NEXMIF: variants seen among roughly 807,000 people sequenced by gnomAD.
The protein encoded by NEXMIF is neurite extension and migration factor.
A neutral mutation model predicts 62.1 loss-of-function variants in NEXMIF; 8 were observed. The observed-to-expected ratio is 0.13, with a 90% CI of 0.08 to 0.23. The LOEUF is 0.23. Among genes scored for constraint, NEXMIF ranks in the 10% least tolerant of loss-of-function variants. The pLI, the probability that NEXMIF is intolerant of heterozygous loss-of-function variation, is 1.00. For missense variants in NEXMIF, 976 were observed against 1,113.3 expected, an observed-to-expected ratio of 0.88 and a Z score of 1.75; for synonymous variants, 404 against 416.6, an observed-to-expected ratio of 0.97 and a Z score of 0.37.
chrX:74,821,467 A>C (rs904000153), intron 1 of NEXMIF, among the ~76,000 whole-genome samples: 23 of 111,586 alleles, frequency 2.1e-4, no homozygotes, highest in African/African-American at 7.2e-4. Flanking sequence ...AAAGGGGAAA[A>C]AGTCCTTTGT....
chrX:74,741,895 C>T lies in NEXMIF; in HGVS notation c.2662G>A (p.Val888Met), dbSNP rs1569335341. Residue 888 changes from valine (V) to methionine (M), a missense_variant, in exon 3 of 4, where the codon GTG becomes ATG. Val to Met is a conservative substitution (Grantham distance 21). Coordinates refer to ENST00000055682, the MANE Select transcript of NEXMIF (RefSeq NM_001008537.3). ...CCAGAAGTAGCCTTGTTGGGCCACA[C>T]ATTTCTATAGTTGCTTGATTCCATT... ...FKMESSNYRN[V>M]WPNKATSGTQ... The T allele has an allele frequency of 8.3e-7, 1 of 1,211,842 alleles. No individual in the cohort carries two copies.
At chrX:74,847,064 C>T (rs1003620521) in intron 1 of NEXMIF, among the ~76,000 whole-genome samples, 1 of 112,357 alleles carries the variant, frequency 8.9e-6, no homozygotes, top group African/African-American at 3.2e-5. Context: ...TGCTATCTGC[C>T]TCATAAAGCA....
chrX:74,907,658 G>A (rs1301762010), intron 1 of NEXMIF, among the ~76,000 whole-genome samples: 2 of 111,311 alleles, frequency 1.8e-5, no homozygotes, highest in South Asian at 3.8e-4. Context: ...CTAAGTCCAT[G>A]AAGATGTTTG....
chrX:74,850,226 G>A (rs1296639943), intron 1 of NEXMIF, among the ~76,000 whole-genome samples: 2 of 112,215 alleles, frequency 1.8e-5, no homozygotes, highest in East Asian at 5.6e-4. Flanking sequence ...CTGCATGTGT[G>A]ACTTGCAGAC....
intron 1 of NEXMIF, among the ~76,000 whole-genome samples, chrX:74,890,565 A>G (rs12849318): frequency 8.9e-6 from 1 of 111,993 alleles, no homozygotes. Flanking sequence ...TGTACATATC[A>G]TCAAACATAT....
chrX:74,878,712 T>C (rs927685431), intron 1 of NEXMIF, among the ~76,000 whole-genome samples: 4 of 112,638 alleles, frequency 3.6e-5, no homozygotes, highest in African/African-American at 1.3e-4. Flanking sequence ...TTTAAGCCTG[T>C]TGGAAAAGCG....
chrX:74,879,159 A>G (rs2080652435), intron 1 of NEXMIF, among the ~76,000 whole-genome samples: 1 of 112,541 alleles, frequency 8.9e-6, no homozygotes, highest in Non-Finnish European at 1.9e-5. Context: ...AGTGTGTAGT[A>G]GGCTAAATCA....
At chrX:74,786,465 A>G (rs909236620) in intron 1 of NEXMIF, among the ~76,000 whole-genome samples, 1 of 111,683 alleles carries the variant, frequency 9.0e-6, no homozygotes, top group African/African-American at 3.3e-5. Flanking sequence ...GAAAGGAAGA[A>G]GAGGCAGATC....
intron 1 of NEXMIF, among the ~76,000 whole-genome samples, chrX:74,861,190 T>C (rs1471969623): frequency 9.0e-6 from 1 of 111,548 alleles, no homozygotes; most frequent in Non-Finnish European, 1.9e-5. Flanking sequence ...AAGAACTTCA[T>C]AATGCAACCA....
chrX:74,741,765 G>A lies in NEXMIF; in HGVS notation c.2792C>T (p.Thr931Ile). 1 of 1,211,609 alleles carries A rather than the reference G, an allele frequency of 8.3e-7. No individual in the cohort carries two copies. Among genetic ancestry groups the A allele is most frequent in the Non-Finnish European group, 1.1e-6 (1 of 895,187 alleles). ...ATTGAGACAGATTGGATTGTATGTT[G>A]TAGGTGTGAGGTTATTTTCCATGGA... ...VVSMENNLTP[T>I]TYNPICLNSG... is the part of the protein sequence containing the mutation. Residue 931 changes from threonine to isoleucine, a missense_variant, in exon 3 of 4, where the codon ACA becomes ATA. Physicochemically the swap from Thr to Ile is moderately conservative, Grantham distance 89. Transcript: ENST00000055682.
chrX:74,743,175 C>T lies in NEXMIF; in HGVS notation c.1382G>A (p.Arg461His), dbSNP rs1366715373. ...DAMGEIKDCS[R>H]YMARDTNSGS... ...AGAATTAGTGTCCCGAGCCATATAG[C>T]GACTACAGTCCTTGATCTCACCCAT... Residue 461 changes from arginine (R) to histidine (H), a missense_variant, in exon 3 of 4, where the codon CGC becomes CAC. Arg to His is a conservative substitution (Grantham distance 29, BLOSUM62 0). Transcript: ENST00000055682. 2.5e-6 allele frequency: 3 copies of T among 1,210,524 alleles called. No individual in the cohort carries two copies. Among genetic ancestry groups the T allele is most frequent in the South Asian group, 1.8e-5 (1 of 56,831 alleles).
intron 1 of NEXMIF, among the ~76,000 whole-genome samples, chrX:74,793,612 C>G (rs1602229838): frequency 9.1e-6 from 1 of 110,166 alleles, no homozygotes; most frequent in Non-Finnish European, 1.9e-5. Flanking sequence ...TTCAGGTACA[C>G]CAATCAGACG....
intron 1 of NEXMIF, among the ~76,000 whole-genome samples, chrX:74,849,317 G>C (rs1444011415): frequency 8.9e-6 from 1 of 112,672 alleles, no homozygotes; most frequent in Non-Finnish European, 1.9e-5. Flanking sequence ...GCCAGATTGG[G>C]TGGGAGCCCA....
chrX:74,838,905 C>T (rs2080465503), intron 1 of NEXMIF, among the ~76,000 whole-genome samples: 1 of 111,950 alleles, frequency 8.9e-6, no homozygotes, highest in African/African-American at 3.2e-5. Flanking sequence ...TTTAATTCCT[C>T]TTTATAGTTT....
intron 1 of NEXMIF, among the ~76,000 whole-genome samples, chrX:74,834,930 T>C (rs2080451374): frequency 8.9e-6 from 1 of 111,910 alleles, no homozygotes; most frequent in East Asian, 2.8e-4. Flanking sequence ...CTAAATGCAA[T>C]AGCTCTTAGA....
chrX:74,888,120 C>T (rs1370356278), intron 1 of NEXMIF, among the ~76,000 whole-genome samples: 3 of 108,912 alleles, frequency 2.8e-5, no homozygotes, highest in African/African-American at 6.7e-5. Context: ...AGGGGAACAT[C>T]ACACACCTGG....
chrX:74,763,447 C>T lies in NEXMIF; in HGVS notation c.-47-17750G>A, dbSNP rs181843931. On this transcript the variant is annotated intron_variant, in intron 1 of 3. Coordinates refer to ENST00000055682, the MANE Select transcript of NEXMIF (RefSeq NM_001008537.3). Reference sequence around the variant, plus strand: ...TTGGCTTAGGATTGTCTTGGCACTGCGGGCCCTTTTTTGGCTCCATATGAA... The same window carrying T: ...TTGGCTTAGGATTGTCTTGGCACTGTGGGCCCTTTTTTGGCTCCATATGAA... Among the ~76,000 whole-genome samples the T allele has an allele frequency of 2.7e-3, 297 of 111,689 alleles. 1 individual carries two copies. The highest frequency in any genetic ancestry group is 9.0e-3 in the African/African-American group (276 of 30,745).
chrX:74,840,706 C>T (rs749929137), intron 1 of NEXMIF, among the ~76,000 whole-genome samples: 4 of 111,856 alleles, frequency 3.6e-5, no homozygotes, highest in Non-Finnish European at 5.6e-5. Context: ...ATATGGCTAG[C>T]CAGTTATCTC....
chrX:74,755,341 C>T (rs1418919880), intron 1 of NEXMIF, among the ~76,000 whole-genome samples: 1 of 111,727 alleles, frequency 9.0e-6, no homozygotes, highest in Non-Finnish European at 1.9e-5. Context: ...CCTCAAAGCA[C>T]TTACAATCTT....
Sources: gnomAD v4.1 joint callset for allele counts (sites outside exome capture counted in the v4.1 genomes callset) on GRCh38, gnomAD v4.1.1 for gene constraint, MANE v1.5 for transcripts, NCBI Gene and HGNC (gene_info 2026-07-23, HGNC 2026-07-21) for gene names.